The following DGKI variants were observed in gnomAD, a reference collection of about 807,000 sequenced individuals.
DGKI encodes the protein DAG kinase iota.
In DGKI, 55 loss-of-function variants were observed where a neutral mutation model predicts 147.5. That is an observed-to-expected ratio of 0.37 (90% CI 0.30 to 0.47). DGKI has a LOEUF of 0.47. DGKI is among the 20% of genes least tolerant of loss of function. The pLI, the probability that DGKI is intolerant of heterozygous loss-of-function variation, is 1.00. For missense variants in DGKI, 1,007 were observed against 1,323.8 expected (o/e 0.76, Z 3.71); for synonymous variants, 469 against 477.1 (o/e 0.98, Z 0.22).
chr7:137,552,701 G>A, intron 19 of DGKI, 133 bp from the exon 20 acceptor site: 1 of 824,460 alleles, frequency 1.2e-6, no homozygotes, highest in Non-Finnish European at 1.9e-6. Context: ...CGGTGGTCAG[G>A]AGTTCCAGAG....
At chr7:137,538,841 C>T (rs562987470) in intron 20 of DGKI, among the ~76,000 whole-genome samples, 1 of 152,228 alleles carries the variant, frequency 6.6e-6, no homozygotes, top group East Asian at 1.9e-4. Flanking sequence ...TGGTGAAGAA[C>T]ATCAGATTTT....
intron 23 of DGKI, 145 bp from the exon 24 acceptor site, chr7:137,469,764 G>T (rs1814809954): frequency 5.4e-6 from 3 of 551,630 alleles, no homozygotes; most frequent in South Asian, 5.5e-5. Context: ...CACAAAGAAG[G>T]GCTCTTTTTT....
intron 17 of DGKI, among the ~76,000 whole-genome samples, chr7:137,576,479 G>A (rs1227543786): frequency 6.6e-6 from 1 of 151,838 alleles, no homozygotes; most frequent in African/African-American, 2.4e-5. Flanking sequence ...ACGACTATGT[G>A]CAACAAAGTC....
intron 7 of DGKI, among the ~76,000 whole-genome samples, chr7:137,621,949 G>A (rs1820763462): frequency 6.6e-6 from 1 of 152,204 alleles, no homozygotes; most frequent in African/African-American, 2.4e-5. Context: ...CAGCACTGGG[G>A]ACCCCAGGAC....
chr7:137,841,862 G>T (rs1295108879), intron 1 of DGKI, among the ~76,000 whole-genome samples: 1 of 152,184 alleles, frequency 6.6e-6, no homozygotes, highest in African/African-American at 2.4e-5. Context: ...TGCCACAGCA[G>T]AATTGAACAC....
intron 20 of DGKI, among the ~76,000 whole-genome samples, chr7:137,549,824 A>G (rs1033872885): frequency 1.3e-5 from 2 of 152,246 alleles, no homozygotes; most frequent in African/African-American, 4.8e-5. Flanking sequence ...TGAAAGAAAT[A>G]TTTAATCATA....
At chr7:137,466,368 C>T (rs1814659684) in intron 25 of DGKI, among the ~76,000 whole-genome samples, 1 of 152,230 alleles carries the variant, frequency 6.6e-6, no homozygotes, top group Non-Finnish European at 1.5e-5. Context: ...ACTTCTACCC[C>T]GTCATCTGGT....
chr7:137,751,504 C>T (rs77180553), intron 1 of DGKI, among the ~76,000 whole-genome samples: 2,047 of 152,308 alleles, frequency 0.013, 38 homozygotes, highest in African/African-American at 0.047. Context: ...TTCCTACACA[C>T]GTTTCAGACG....
At chr7:137,525,825 G>A (rs1346509994) in intron 20 of DGKI, among the ~76,000 whole-genome samples, 1 of 152,072 alleles carries the variant, frequency 6.6e-6, no homozygotes. Flanking sequence ...GCCAGATATT[G>A]GAAAATGTTT....
chr7:137,489,733 C>A (rs932944252), intron 21 of DGKI, among the ~76,000 whole-genome samples: 1 of 152,038 alleles, frequency 6.6e-6, no homozygotes, highest in Non-Finnish European at 1.5e-5. Flanking sequence ...TTAATATTTC[C>A]TTTTAATATT....
chr7:137,552,885 A>C (rs1322712455), intron 19 of DGKI, among the ~76,000 whole-genome samples: 1 of 152,184 alleles, frequency 6.6e-6, no homozygotes, highest in Non-Finnish European at 1.5e-5. Flanking sequence ...GCTGCACTCC[A>C]GCATGGGCAA....
chr7:137,465,960 G>T lies in DGKI; in HGVS notation c.2560C>A (p.Pro854Thr). Residue 854 changes from proline (P) to threonine (T), a missense_variant, in exon 26 of 33, where the codon CCG (proline) becomes ACG (threonine). Physicochemically the swap from Pro to Thr is conservative, Grantham distance 38. Coordinates refer to ENST00000614521, the MANE Select transcript of DGKI (RefSeq NM_001321708.2). ...GGCATGCCCGGAGGTGTCCCCGCCG[G>T]CTGTGACACCACCATATCTGGGTCC... is the stretch of plus-strand genomic sequence containing the variant. Reference protein sequence around the residue: ...ILDPDMVVSQPAGTPPGMPDL... With the variant: ...ILDPDMVVSQTAGTPPGMPDL... 3.7e-6 allele frequency: 6 copies of T among 1,614,156 alleles called. No homozygotes were observed. Among genetic ancestry groups the T allele is most frequent in the Non-Finnish European group, 5.1e-6 (6 of 1,180,000 alleles).
intron 5 of DGKI, among the ~76,000 whole-genome samples, chr7:137,654,384 C>A (rs1019111266): frequency 3.9e-5 from 6 of 152,104 alleles, no homozygotes; most frequent in Non-Finnish European, 5.9e-5. Flanking sequence ...TTAAAATCAA[C>A]CAGAACACAT....
intron 20 of DGKI, among the ~76,000 whole-genome samples, chr7:137,535,514 C>G (rs2128958806): frequency 1.3e-5 from 2 of 151,960 alleles, no homozygotes; most frequent in East Asian, 1.9e-4. Context: ...ATGTACTACC[C>G]CCAAACCTTC....
intron 1 of DGKI, among the ~76,000 whole-genome samples, chr7:137,710,191 G>A (rs551925017): frequency 2.6e-5 from 4 of 152,142 alleles, no homozygotes; most frequent in Admixed American, 2.0e-4. Flanking sequence ...TCAATATTTT[G>A]AAGATGTCAA....
chr7:137,433,192 A>C (rs1287078608), intron 28 of DGKI, among the ~76,000 whole-genome samples: 1 of 152,230 alleles, frequency 6.6e-6, no homozygotes, highest in Non-Finnish European at 1.5e-5. Context: ...AAGCAGCTAT[A>C]ATTGACAGGT....
At chr7:137,710,749 A>C (rs774699319) in intron 1 of DGKI, among the ~76,000 whole-genome samples, 21 of 152,130 alleles carry the variant, frequency 1.4e-4, no homozygotes, top group African/African-American at 4.8e-4. Flanking sequence ...CACACACACA[A>C]AAATCTAGAA....
At chr7:137,443,239 G>A (rs757177962) in intron 28 of DGKI, among the ~76,000 whole-genome samples, 7 of 152,066 alleles carry the variant, frequency 4.6e-5, no homozygotes, top group African/African-American at 9.7e-5. Context: ...ATTATTGGTC[G>A]GCTGGAAAGA....
At chr7:137,414,352 A>G (rs1812279187) in intron 28 of DGKI, among the ~76,000 whole-genome samples, 2 of 152,262 alleles carry the variant, frequency 1.3e-5, no homozygotes, top group Non-Finnish European at 1.5e-5. Flanking sequence ...GAGAGAAGAA[A>G]AGTGCCTCGC....
Sources: gnomAD v4.1 joint callset for allele counts (sites outside exome capture counted in the v4.1 genomes callset) on GRCh38, gnomAD v4.1.1 for gene constraint, MANE v1.5 for transcripts, NCBI Gene and HGNC (gene_info 2026-07-23, HGNC 2026-07-21) for gene names.